The following CYP2F1 variants were observed in gnomAD, a reference collection of about 807,000 sequenced individuals.
CYP2F1 encodes cytochrome P450 2F1.
Under a neutral mutation model 40.4 loss-of-function variants are expected in CYP2F1, and 33 were observed. The observed-to-expected ratio is 0.82, with a 90% CI of 0.62 to 1.09. The LOEUF is 1.09. Ranked by LOEUF, CYP2F1 falls within the 50% of genes least tolerant of loss-of-function variation. CYP2F1 has a pLI of 0.00. For synonymous variants in CYP2F1, 235 were observed against 277.2 expected, an observed-to-expected ratio of 0.85 and a Z score of 1.51; for missense variants, 566 against 655.7, an observed-to-expected ratio of 0.86 and a Z score of 1.49.
chr19:41,127,176 TA>T (rs2032577518), intron 9 of CYP2F1, among the ~76,000 whole-genome samples: 1 of 152,150 alleles, frequency 6.6e-6, no homozygotes, highest in African/African-American at 2.4e-5. Flanking sequence ...TCCACATCTA[TA>T]AAATGGAGAT....
chr19:41,128,223 C>T lies in CYP2F1; in HGVS notation c.*141C>T, dbSNP rs1156431167. On this transcript the variant is annotated 3_prime_UTR_variant, in exon 10 of 10. Coordinates refer to ENST00000331105, the MANE Select transcript of CYP2F1 (RefSeq NM_000774.5). ...CTGCATGCTGTGCCTGCCGCGTGCC[C>T]TTCCCCCATCCCTCCAATCTGTGCC... The T allele has an allele frequency of 9.3e-6, 7 of 754,194 alleles. No individual in the cohort carries two copies. Among genetic ancestry groups the T allele is most frequent in the Non-Finnish European group, 1.4e-5 (7 of 486,786 alleles). The allele number at this position is 754,194 out of a possible 1,614,324, so 46.7% of individuals were successfully genotyped here.
In CYP2F1 at chr19:41,127,904, G is replaced by A. The variant is rs139951793; in HGVS notation, c.1298G>A (p.Arg433His). Reference sequence around the variant, plus strand: ...CCCCATCCTGCCACCCCTGCAGGGCGCCGTCTGTGCCTGGGAGAGTCGCTG... The same window carrying A: ...CCCCATCCTGCCACCCCTGCAGGGCACCGTCTGTGCCTGGGAGAGTCGCTG... ...SPAFMPFSAG[R>H]RLCLGESLAR... is the part of the protein sequence containing the mutation. The change falls in exon 10 of 10, where the codon CGC becomes CAC. Residue 433 changes from arginine (R) to histidine (H), a missense_variant. By Grantham distance (29) the Arg-to-His change is conservative. This residue lies in a region of CYP2F1 where 85 missense variants were observed against 84.9 expected (regional missense o/e 1.00). Coordinates refer to ENST00000331105, the MANE Select transcript of CYP2F1 (RefSeq NM_000774.5). The A allele has an allele frequency of 4.2e-3, 6,638 of 1,593,878 alleles. 88 individuals are homozygous for A. Among genetic ancestry groups the A allele is most frequent in the African/African-American group, 0.032 (2,345 of 72,912 alleles).
Position 41,116,615 on chromosome 19 carries a change from A to G in CYP2F1, c.332A>G (p.Asn111Ser), listed in dbSNP as rs748348532. Residue 111 changes from asparagine (N) to serine (S), a missense_variant and splice_region_variant, in exon 3 of 10, where the codon AAT becomes AGT. Physicochemically the swap from Asn to Ser is conservative, Grantham distance 46. Coordinates refer to ENST00000331105, the MANE Select transcript of CYP2F1 (RefSeq NM_000774.5). ...YPAFFNFTKG[N>S]GIAFSSGDRW... ...GCCTTTTTCAACTTTACCAAGGGCA[A>G]TGGTAAGCCTCGTCCTTGTCTCCTC... 23 of 1,613,788 alleles carry G rather than the reference A, an allele frequency of 1.4e-5. No individual in the cohort carries two copies. The highest frequency in any genetic ancestry group is 6.7e-5 in the African/African-American group (5 of 74,872).
chr19:41,116,985 C>A lies in CYP2F1; in HGVS notation c.334+368C>A, dbSNP rs537981929. ...ATCCCAGTCCCCATCAACCTTTCCC[C>A]AGTGTTCACCACATCAGCCCCACCT... On this transcript the variant is annotated intron_variant, in intron 3 of 9. Transcript: ENST00000331105. 2.0e-5 allele frequency among the ~76,000 whole-genome samples: 3 copies of A among 152,096 alleles called. No homozygotes were observed. In the South Asian group the frequency reaches 6.2e-4, roughly 32 times the overall value.
intron 3 of CYP2F1, among the ~76,000 whole-genome samples, chr19:41,119,723 C>CTCTA (rs1478574507): frequency 3.1e-4 from 11 of 35,820 alleles, no homozygotes; most frequent in African/African-American, 5.0e-4. Context: ...CTCTCTCTCT[C>CTCTA]TATATATATA....
rs2032620445 is a variant in CYP2F1, at chr19:41,128,142, G to A, written c.*60G>A. ...GAGGCCCGCCCATGCGGGTTGCTACGTCCCCTTCTTGGTCCACAGTCTGCC... is the reference window on the plus strand; with the variant it reads ...GAGGCCCGCCCATGCGGGTTGCTACATCCCCTTCTTGGTCCACAGTCTGCC... On this transcript the variant is annotated 3_prime_UTR_variant, in exon 10 of 10. Coordinates refer to ENST00000331105, the MANE Select transcript of CYP2F1 (RefSeq NM_000774.5). The A allele has an allele frequency of 1.1e-5, 17 of 1,518,084 alleles. No individual in the cohort carries two copies. The highest frequency in any genetic ancestry group is 3.7e-5 in the South Asian group (3 of 81,568). 94.0% of individuals were successfully genotyped at this position (1,518,084 alleles called of 1,614,324 possible). A position where few individuals can be genotyped will look rare whatever the true frequency, so the allele number is the denominator to read the frequency against.
intron 5 of CYP2F1, 110 bp from the exon 6 acceptor site, chr19:41,121,847 T>C: frequency 5.6e-6 from 3 of 534,944 alleles, no homozygotes; most frequent in African/African-American, 2.3e-5. Flanking sequence ...ACCCCGGACC[T>C]GGCTGCCCTT....
In CYP2F1 at chr19:41,124,739, G is replaced by T; in HGVS notation, c.985G>T (p.Asp329Tyr). 2.5e-6 allele frequency: 4 copies of T among 1,603,992 alleles called. No homozygotes were observed. The highest frequency in any genetic ancestry group is 3.4e-6 in the Non-Finnish European group (4 of 1,179,334). ...KVQARVQEEI[D>Y]LVVGRARLPA... ...TCCAGCCCGCGTGCAGGAGGAGATC[G>T]ACCTCGTGGTGGGACGCGCGCGGCT... Residue 329 changes from aspartate to tyrosine, a missense_variant, in exon 8 of 10, where the codon GAC becomes TAC. By Grantham distance (160) the Asp-to-Tyr change is radical (BLOSUM62 -3). Around this residue, in one of 5 missense-constraint regions of CYP2F1, gnomAD observed 128 missense variants for 121.0 expected, o/e 1.06. Transcript: ENST00000331105.
At chr19:41,127,865 A>G in intron 9 of CYP2F1, 36 bp from the exon 10 acceptor site, 4 of 1,586,280 alleles carry the variant, frequency 2.5e-6, no homozygotes, top group Non-Finnish European at 3.4e-6. Context: ...ACCTCATCTT[A>G]TCTCACCGCC....
intron 3 of CYP2F1, 31 bp downstream of exon 3, chr19:41,116,648 G>A (rs376200584): frequency 1.1e-5 from 17 of 1,608,774 alleles, no homozygotes; most frequent in East Asian, 2.2e-5. Context: ...CTCCGCTCTC[G>A]GCCTTTTCCA....
At chr19:41,123,248 A>G (rs1297739935) in intron 7 of CYP2F1, 1 of 524,144 alleles carries the variant, frequency 1.9e-6, no homozygotes, top group Non-Finnish European at 3.7e-6. Context: ...CCCAGGCTGG[A>G]GTGCAGTGGC....
chr19:41,124,342 CA>C (rs1467410789), intron 7 of CYP2F1, among the ~76,000 whole-genome samples: 1 of 139,414 alleles, frequency 7.2e-6, no homozygotes, highest in Non-Finnish European at 1.5e-5. Context: ...CAGCTCACTG[CA>C]ACCTCCTCCT....
At chr19:41,121,414 C>T (rs2032190685) in intron 4 of CYP2F1, 44 bp from the exon 5 acceptor site, 1 of 1,579,310 alleles carries the variant, frequency 6.3e-7, no homozygotes, top group African/African-American at 1.4e-5. Flanking sequence ...GTCTGGTGTG[C>T]TGCACATCGC....
At chr19:41,119,032 G>A (rs1408274007) in intron 3 of CYP2F1, among the ~76,000 whole-genome samples, 2 of 152,140 alleles carry the variant, frequency 1.3e-5, no homozygotes, top group Non-Finnish European at 2.9e-5. Flanking sequence ...TGGGATGGGG[G>A]AAGCCTGGGG....
At chr19:41,121,071 T>TCA (rs1223405592) in intron 4 of CYP2F1, among the ~76,000 whole-genome samples, 2 of 152,034 alleles carry the variant, frequency 1.3e-5, no homozygotes, top group African/African-American at 4.8e-5. Flanking sequence ...GGCTGTTAGG[T>TCA]CACTGCGTGT....
At chr19:41,119,985 G>A (rs1599674328) in intron 3 of CYP2F1, among the ~76,000 whole-genome samples, 1 of 151,738 alleles carries the variant, frequency 6.6e-6, no homozygotes, top group Non-Finnish European at 1.5e-5. Context: ...AGCACCTCCT[G>A]TGTGACACCC....
intron 3 of CYP2F1, 32 bp from the exon 4 acceptor site, chr19:41,120,315 C>T (rs756333848): frequency 5.8e-6 from 9 of 1,557,946 alleles, no homozygotes; most frequent in Admixed American, 2.1e-5. Flanking sequence ...GATGAGTTCC[C>T]GGTTAAGCTG....
At chr19:41,119,723 CTATATA>C (rs1290627675) in intron 3 of CYP2F1, among the ~76,000 whole-genome samples, 8 of 35,826 alleles carry the variant, frequency 2.2e-4, no homozygotes, top group African/African-American at 6.0e-4. Context: ...CTCTCTCTCT[CTATATA>C]TATATATATA....
intron 3 of CYP2F1, among the ~76,000 whole-genome samples, chr19:41,118,141 C>T (rs897852206): frequency 4.9e-4 from 75 of 152,152 alleles, no homozygotes; most frequent in African/African-American, 1.8e-3. Context: ...AGCCACTGCA[C>T]CCAGCCCCAA....
Sources: allele counts gnomAD v4.1 joint callset (sites outside exome capture counted in the v4.1 genomes callset), GRCh38; gene constraint gnomAD v4.1.1; regional missense constraint gnomAD v4.1.1; transcripts MANE v1.5; gene names NCBI Gene and HGNC (gene_info 2026-07-23, HGNC 2026-07-21).